The following VSNL1 variants were observed in gnomAD, a reference collection of about 807,000 sequenced individuals.
The protein encoded by VSNL1 is visinin-like protein 1.
In VSNL1, 6 loss-of-function variants were observed where a neutral mutation model predicts 20.4. That is an observed-to-expected ratio of 0.29 (90% CI 0.16 to 0.58). The LOEUF is 0.58. Among genes scored for constraint, VSNL1 ranks in the 20% least tolerant of loss-of-function variants. The pLI is 0.90. For synonymous variants in VSNL1, 93 were observed against 86.4 expected (o/e 1.08, Z -0.42); for missense variants, 100 against 234.5 (o/e 0.43, Z 3.75).
chr2:17,599,191 A>G (rs1664775277), intron 2 of VSNL1, among the ~76,000 whole-genome samples: 2 of 152,206 alleles, frequency 1.3e-5, no homozygotes, highest in African/African-American at 2.4e-5. Context: ...ATGAACAGCT[A>G]TCACACTGGG....
At chr2:17,615,045 C>A (rs909500958) in intron 2 of VSNL1, among the ~76,000 whole-genome samples, 23 of 152,152 alleles carry the variant, frequency 1.5e-4, no homozygotes, top group African/African-American at 5.3e-4. Flanking sequence ...ATATCTTCAC[C>A]TTTCTTAACT....
At chr2:17,576,942 A>G (rs1664228415) in intron 1 of VSNL1, among the ~76,000 whole-genome samples, 1 of 152,210 alleles carries the variant, frequency 6.6e-6, no homozygotes, top group African/African-American at 2.4e-5. Flanking sequence ...GCATCACTTA[A>G]TGACAGAAAC....
chr2:17,623,493 C>T (rs62133582), intron 2 of VSNL1, among the ~76,000 whole-genome samples: 2 of 151,892 alleles, frequency 1.3e-5, no homozygotes, highest in African/African-American at 2.4e-5. Flanking sequence ...CACGGCGAAA[C>T]CCCGTCTCTA....
At chr2:17,582,802 T>C (rs562301590) in intron 1 of VSNL1, among the ~76,000 whole-genome samples, 4 of 152,002 alleles carry the variant, frequency 2.6e-5, no homozygotes, top group African/African-American at 9.6e-5. Flanking sequence ...GAATACATTA[T>C]CTAGTATTCC....
At chr2:17,630,122 C>T (rs919632143) in intron 2 of VSNL1, among the ~76,000 whole-genome samples, 1 of 152,226 alleles carries the variant, frequency 6.6e-6, no homozygotes, top group African/African-American at 2.4e-5. Flanking sequence ...TTCTCAATCT[C>T]GTCCGTGTAT....
intron 2 of VSNL1, among the ~76,000 whole-genome samples, chr2:17,607,532 G>A (rs1243948149): frequency 1.3e-5 from 2 of 152,180 alleles, no homozygotes; most frequent in African/African-American, 4.8e-5. Flanking sequence ...AGAGGGAGTT[G>A]AACCATGTCA....
chr2:17,582,089 C>T (rs542797728), intron 1 of VSNL1, among the ~76,000 whole-genome samples: 24 of 152,144 alleles, frequency 1.6e-4, no homozygotes, highest in African/African-American at 9.7e-5. Context: ...AGAGAACCAA[C>T]GTGTAGCTAA....
At chr2:17,617,496 A>G (rs567042379) in intron 2 of VSNL1, among the ~76,000 whole-genome samples, 3 of 128,508 alleles carry the variant, frequency 2.3e-5, no homozygotes, top group East Asian at 4.0e-4. Flanking sequence ...ACTCTGTCTT[A>G]AAAAAAAAAA....
At chr2:17,569,482 A>G (rs1030974139) in intron 1 of VSNL1, among the ~76,000 whole-genome samples, 11 of 151,668 alleles carry the variant, frequency 7.3e-5, no homozygotes, top group African/African-American at 2.7e-4. Flanking sequence ...TTTCTCTCCT[A>G]CTCTCTGTCT....
intron 3 of VSNL1, among the ~76,000 whole-genome samples, chr2:17,650,141 G>A (rs1292592284): frequency 1.3e-5 from 2 of 152,084 alleles, no homozygotes; most frequent in Admixed American, 6.5e-5. Context: ...TCTAATGCCC[G>A]GTTCCACTTC....
Position 17,649,460 on chromosome 2 carries a change from C to T in VSNL1, c.213C>T (p.Thr71=). 4.3e-6 allele frequency: 7 copies of T among 1,614,136 alleles called. No individual in the cohort carries two copies. The highest frequency in any genetic ancestry group is 5.9e-6 in the Non-Finnish European group (7 of 1,180,014). The change falls in exon 3 of 4, where the codon ACC becomes ACT. Residue 71 remains threonine (T), a synonymous_variant. Transcript: ENST00000295156. This position sits in a 1 kb window ranked among gnomAD's most constrained non-coding sequence, Gnocchi z 6.4. ...AGTTTGCCCAGCATGCCTTCCGAAC[C>T]TTCGACAAGAATGGGGACGGCACCA... ...ASKFAQHAFR[T]FDKNGDGTID...
intron 1 of VSNL1, among the ~76,000 whole-genome samples, chr2:17,557,444 CA>C (rs1218241868): frequency 2.6e-5 from 4 of 152,264 alleles, no homozygotes; most frequent in Non-Finnish European, 5.9e-5. Context: ...GGATATTAAA[CA>C]AATAATCACA....
chr2:17,596,668 C>T (rs1365427873), intron 2 of VSNL1, among the ~76,000 whole-genome samples: 1 of 152,156 alleles, frequency 6.6e-6, no homozygotes, highest in East Asian at 1.9e-4. Flanking sequence ...TAGAGTTTGA[C>T]TTTCAAGATT....
At chr2:17,653,255 C>G (rs1235686625) in intron 3 of VSNL1, among the ~76,000 whole-genome samples, 2 of 152,136 alleles carry the variant, frequency 1.3e-5, no homozygotes, top group Admixed American at 6.5e-5. Context: ...TAATGAGATC[C>G]TGCCATTTTC....
chr2:17,543,272 A>G (rs1406031376), intron 1 of VSNL1, among the ~76,000 whole-genome samples: 1 of 152,216 alleles, frequency 6.6e-6, no homozygotes, highest in Non-Finnish European at 1.5e-5. Context: ...TGCCGGGAGC[A>G]CTAGCGTATC....
intron 2 of VSNL1, among the ~76,000 whole-genome samples, chr2:17,641,345 A>G (rs1470671572): frequency 6.6e-6 from 1 of 152,218 alleles, no homozygotes; most frequent in East Asian, 1.9e-4. Flanking sequence ...ACCTTCAAAG[A>G]TCCTCACCAC....
At chr2:17,567,825 T>C (rs1663988782) in intron 1 of VSNL1, 1 of 152,142 alleles carries the variant, frequency 6.6e-6, no homozygotes, top group African/African-American at 2.4e-5. Context: ...AATAAAAAGC[T>C]TTTTTACTTC....
intron 2 of VSNL1, among the ~76,000 whole-genome samples, chr2:17,636,767 A>G (rs1345797147): frequency 3.3e-5 from 5 of 152,100 alleles, no homozygotes; most frequent in Admixed American, 2.6e-4. Context: ...AAAAATTCCA[A>G]TTCCTTATGT....
chr2:17,543,707 A>G (rs150488966), intron 1 of VSNL1, among the ~76,000 whole-genome samples: 144 of 152,314 alleles, frequency 9.5e-4, no homozygotes, highest in Admixed American at 2.7e-3. Flanking sequence ...AAGCATTTGC[A>G]TAGCTTTTCC....
Sources: allele counts gnomAD v4.1 joint callset (sites outside exome capture counted in the v4.1 genomes callset), GRCh38; gene constraint gnomAD v4.1.1; non-coding constraint Gnocchi (gnomAD v3.1); transcripts MANE v1.5; gene names NCBI Gene and HGNC (gene_info 2026-07-23, HGNC 2026-07-21).